The following ITGA8 variants were observed in gnomAD, a reference collection of about 807,000 sequenced individuals.
ITGA8 encodes the protein integrin subunit alpha 8, also known as integrin alpha-8.
In ITGA8, 91 loss-of-function variants were observed where a neutral mutation model predicts 142.3. The ratio of observed to expected loss-of-function variants is 0.64; its 90% confidence interval spans 0.54 to 0.76. ITGA8 has a LOEUF of 0.76. ITGA8 is among the 30% of genes least tolerant of loss of function. ITGA8 has a pLI of 0.00. For synonymous variants in ITGA8, 505 were observed against 485.2 expected, an observed-to-expected ratio of 1.04 and a Z score of -0.54; for missense variants, 1,406 against 1,327.7, an observed-to-expected ratio of 1.06 and a Z score of -0.92.
At chr10:15,714,750 A>C (rs898220973) in intron 2 of ITGA8, among the ~76,000 whole-genome samples, 1 of 152,230 alleles carries the variant, frequency 6.6e-6, no homozygotes, top group Non-Finnish European at 1.5e-5. Flanking sequence ...ATTGACCTTA[A>C]ATAAATGGAG....
chr10:15,570,610 C>CAAAAAAAAAAAAA, intron 25 of ITGA8, among the ~76,000 whole-genome samples: 1 of 40,030 alleles, frequency 2.5e-5, no homozygotes, highest in Admixed American at 2.6e-4. Flanking sequence ...AACTCCATCT[C>CAAAAAAAAAAAAA]AAAAAAAAAA....
chr10:15,529,545 T>A (rs1344284058), intron 28 of ITGA8, among the ~76,000 whole-genome samples: 1 of 152,204 alleles, frequency 6.6e-6, no homozygotes, highest in Non-Finnish European at 1.5e-5. Flanking sequence ...CCTGCAGAAT[T>A]GTCTCTCATA....
chr10:15,643,988 C>T (rs1189949560), intron 13 of ITGA8, 42 bp downstream of exon 13: 2 of 1,541,576 alleles, frequency 1.3e-6, no homozygotes, highest in Non-Finnish European at 1.8e-6. Flanking sequence ...GACTCTATTT[C>T]AGGACGTAGA....
rs1484083060 is a variant in ITGA8 at position 15,719,549 on chromosome 10, G to C, written c.209+14C>G. ...TTCGTCCCCGCGCGCACCTCCCCGG[G>C]TCGGGCGACTTACGTGCGGGCGTCG... On this transcript the variant is annotated intron_variant, in intron 1 of 29. Coordinates refer to ENST00000378076, the MANE Select transcript of ITGA8 (RefSeq NM_003638.3). 3.9e-6 allele frequency: 6 copies of C among 1,546,600 alleles called. No homozygotes were observed. The highest frequency in any genetic ancestry group is 5.2e-6 in the Non-Finnish European group (6 of 1,156,664).
intron 15 of ITGA8, among the ~76,000 whole-genome samples, chr10:15,613,170 A>ATAAAAAAT (rs1554777865): frequency 0.26 from 9,280 of 35,732 alleles, 309 homozygotes; most frequent in Middle Eastern, 0.46. Flanking sequence ...CAATAAATAA[A>ATAAAAAAT]AAATAAATAA....
intron 4 of ITGA8, among the ~76,000 whole-genome samples, chr10:15,681,797 A>G (rs1834742695): frequency 6.6e-6 from 1 of 152,244 alleles, no homozygotes; most frequent in South Asian, 2.1e-4. Context: ...GCATATGGTC[A>G]ATATCACAGA....
At chr10:15,707,081 G>A (rs180911684) in intron 2 of ITGA8, among the ~76,000 whole-genome samples, 126 of 152,280 alleles carry the variant, frequency 8.3e-4, no homozygotes, top group African/African-American at 2.7e-3. Flanking sequence ...CACCTCCTCA[G>A]TGAAAGTTCT....
intron 26 of ITGA8, 110 bp downstream of exon 26, chr10:15,557,964 G>C: frequency 7.6e-7 from 1 of 1,313,820 alleles, no homozygotes; most frequent in Non-Finnish European, 1.1e-6. Flanking sequence ...AGGAATATCT[G>C]AGCACTGAAG....
At chr10:15,529,021 C>G (rs560277353) in intron 28 of ITGA8, among the ~76,000 whole-genome samples, 1 of 143,932 alleles carries the variant, frequency 6.9e-6, no homozygotes, top group African/African-American at 2.6e-5. Flanking sequence ...TCCTTCCTCC[C>G]TGTCTCCCTC....
intron 13 of ITGA8, among the ~76,000 whole-genome samples, chr10:15,620,239 A>C (rs1392752834): frequency 6.6e-6 from 1 of 152,222 alleles, no homozygotes; most frequent in African/African-American, 2.4e-5. Context: ...TGAAACAATT[A>C]AAACCGACTA....
chr10:15,577,479 A>G (rs1351872738), intron 23 of ITGA8, among the ~76,000 whole-genome samples: 1 of 152,152 alleles, frequency 6.6e-6, no homozygotes, highest in Non-Finnish European at 1.5e-5. Flanking sequence ...GTATTTAGTG[A>G]AGACGACTTA....
At chr10:15,706,230 T>C (rs948272216) in intron 2 of ITGA8, among the ~76,000 whole-genome samples, 2 of 149,942 alleles carry the variant, frequency 1.3e-5, no homozygotes, top group African/African-American at 2.5e-5. Context: ...AATTTCCTCT[T>C]TTTTTGCACT....
At chr10:15,690,176 C>A (rs539705302) in intron 2 of ITGA8, among the ~76,000 whole-genome samples, 1 of 152,262 alleles carries the variant, frequency 6.6e-6, no homozygotes, top group South Asian at 2.1e-4. Flanking sequence ...AGGCTCCCCA[C>A]CTCCCTGGGG....
At chr10:15,685,169 GC>G (rs1834813094) in intron 3 of ITGA8, among the ~76,000 whole-genome samples, 1 of 152,178 alleles carries the variant, frequency 6.6e-6, no homozygotes, top group Admixed American at 6.5e-5. Context: ...CACAGGTGAG[GC>G]AATTCAAGTC....
intron 27 of ITGA8, among the ~76,000 whole-genome samples, chr10:15,540,195 T>C (rs1833540734): frequency 6.6e-6 from 1 of 152,208 alleles, no homozygotes; most frequent in Admixed American, 6.5e-5. Flanking sequence ...TAAATTATTG[T>C]TAACTATAAT....
chr10:15,643,638 T>C (rs1304607445), intron 13 of ITGA8, among the ~76,000 whole-genome samples: 1 of 152,166 alleles, frequency 6.6e-6, no homozygotes. Context: ...CACGTTGAGG[T>C]TCATGCTATA....
At chr10:15,634,238 T>C (rs960077663) in intron 13 of ITGA8, among the ~76,000 whole-genome samples, 1 of 152,198 alleles carries the variant, frequency 6.6e-6, no homozygotes, top group African/African-American at 2.4e-5. Context: ...CATTGTTGGA[T>C]GTTTTATCTC....
At chr10:15,643,710 A>G (rs1371153844) in intron 13 of ITGA8, among the ~76,000 whole-genome samples, 1 of 152,244 alleles carries the variant, frequency 6.6e-6, no homozygotes, top group Non-Finnish European at 1.5e-5. Flanking sequence ...CAAGCTGTCT[A>G]TGTCAGTGCA....
Position 15,606,413 on chromosome 10 carries a change from C to G in ITGA8, c.1774G>C (p.Glu592Gln). ...DFIVYLRDETEFRDKLSPINI... is the reference protein window; with the variant it reads ...DFIVYLRDETQFRDKLSPINI... ...ATTGGAGATAATTTATCTCGGAATT[C>G]AGTTTCATCCTAGGAAAAATAATCA... Residue 592 changes from glutamate (E) to glutamine (Q), a missense_variant, in exon 18 of 30, where the codon GAA (glutamate) becomes CAA (glutamine). Coordinates refer to ENST00000378076, the MANE Select transcript of ITGA8 (RefSeq NM_003638.3). 1.3e-6 allele frequency: 2 copies of G among 1,590,624 alleles called. No homozygotes were observed. Among genetic ancestry groups the G allele is most frequent in the South Asian group, 2.2e-5 (2 of 89,586 alleles).
Sources: allele counts gnomAD v4.1 joint callset (sites outside exome capture counted in the v4.1 genomes callset), GRCh38; gene constraint gnomAD v4.1.1; transcripts MANE v1.5; gene names NCBI Gene and HGNC (gene_info 2026-07-23, HGNC 2026-07-21).